The following SEC24A variants were observed in gnomAD, a reference collection of about 807,000 sequenced individuals.
SEC24A encodes SEC24 homolog A, COPII component.
Under a neutral mutation model 129.4 loss-of-function variants are expected in SEC24A, and 93 were observed. The ratio of observed to expected loss-of-function variants is 0.72; its 90% CI spans 0.61 to 0.85. The LOEUF is 0.85. Ranked by LOEUF, SEC24A falls within the 40% of genes least tolerant of loss-of-function variation. SEC24A has a pLI of 0.00. For missense variants in SEC24A, 1,264 were observed against 1,307.4 expected (o/e 0.97, Z 0.51); for synonymous variants, 460 against 467.3 (o/e 0.98, Z 0.20).
chr5:134,675,083 T>A lies in SEC24A; in HGVS notation c.1017T>A (p.Ser339Arg), dbSNP rs989330155. 19 of 1,610,896 alleles carry A rather than the reference T, an allele frequency of 1.2e-5. No homozygotes were observed. Among genetic ancestry groups the A allele is most frequent in the Non-Finnish European group, 1.5e-5 (18 of 1,177,980 alleles). The change falls in exon 6 of 23, where the codon AGT becomes AGA. Residue 339 changes from serine to arginine, a missense_variant. By Grantham distance (110) the Ser-to-Arg change is moderately radical. Coordinates refer to ENST00000398844, the MANE Select transcript of SEC24A (RefSeq NM_021982.3). The part of the protein sequence containing the change: ...LGANHLTTSM[S>R]GLSLQPEGLR... The stretch of plus-strand genomic sequence containing the variant: ...CTAATCATTTAACCACAAGCATGAG[T>A]GGATTAAGTCTACAACCAGAGGGTC...
intron 11 of SEC24A, among the ~76,000 whole-genome samples, chr5:134,690,708 C>T (rs1224546364): frequency 6.6e-6 from 1 of 152,216 alleles, no homozygotes; most frequent in Non-Finnish European, 1.5e-5. Context: ...AGTTTGCTCC[C>T]TTTCTAAGGA....
chr5:134,705,331 A>G lies in SEC24A; in HGVS notation c.2445A>G (p.Glu815=). The G allele has an allele frequency of 6.2e-7, 1 of 1,612,104 alleles. No homozygotes were observed. Among genetic ancestry groups the G allele is most frequent in the Non-Finnish European group, 8.5e-7 (1 of 1,178,540 alleles). ...GTTTGTGTATTTTCCCCAAAGGCGA[A>G]AGAAGAATTCGTGTTCATACTTTGT... The part of the protein sequence containing the change: ...SALLYTSSKG[E]RRIRVHTLCL... The change falls in exon 17 of 23, where the codon GAA becomes GAG. Residue 815 remains glutamate, a synonymous_variant. Transcript: ENST00000398844.
At chr5:134,682,012 C>T (rs934238997) in intron 8 of SEC24A, among the ~76,000 whole-genome samples, 20 of 152,160 alleles carry the variant, frequency 1.3e-4, no homozygotes, top group Admixed American at 3.3e-4. Flanking sequence ...GAGGCCAAGG[C>T]GGGCGGATCA....
At chr5:134,678,682 A>G (rs1291269543) in intron 7 of SEC24A, among the ~76,000 whole-genome samples, 1 of 151,832 alleles carries the variant, frequency 6.6e-6, no homozygotes. Context: ...CCAGGGTTGA[A>G]GCAATTCTCC....
intron 21 of SEC24A, among the ~76,000 whole-genome samples, chr5:134,722,827 G>A (rs1054752821): frequency 6.6e-6 from 1 of 152,050 alleles, no homozygotes. Flanking sequence ...ATTATCTGTA[G>A]TTCAAGAAGA....
intron 13 of SEC24A, among the ~76,000 whole-genome samples, chr5:134,696,213 T>G (rs1472318496): frequency 6.6e-6 from 1 of 151,644 alleles, no homozygotes; most frequent in Non-Finnish European, 1.5e-5. Context: ...GAGGTTGCGG[T>G]GAGCTGAGAT....
intron 15 of SEC24A, among the ~76,000 whole-genome samples, chr5:134,700,364 C>T (rs751094207): frequency 9.9e-5 from 15 of 151,798 alleles, no homozygotes; most frequent in African/African-American, 3.1e-4. Flanking sequence ...GGACCACAGG[C>T]GCATGCCACC....
chr5:134,650,274 C>T (rs1750001504), intron 1 of SEC24A, among the ~76,000 whole-genome samples: 1 of 152,124 alleles, frequency 6.6e-6, no homozygotes, highest in Non-Finnish European at 1.5e-5. Flanking sequence ...ATGTACACTA[C>T]ATTTTATTCT....
intron 15 of SEC24A, among the ~76,000 whole-genome samples, chr5:134,702,302 A>C (rs1454928191): frequency 1.3e-5 from 2 of 152,238 alleles, no homozygotes; most frequent in African/African-American, 4.8e-5. Context: ...GGCACATGCC[A>C]CCATGCCCAG....
chr5:134,718,444 T>G (rs1463630501), intron 20 of SEC24A, among the ~76,000 whole-genome samples: 8 of 152,144 alleles, frequency 5.3e-5, no homozygotes, highest in Non-Finnish European at 1.2e-4. Flanking sequence ...CTACTTAATT[T>G]TTTAAAAAGT....
chr5:134,705,092 T>TATATATATATATA (rs1561828092), intron 16 of SEC24A, among the ~76,000 whole-genome samples: 11 of 106,188 alleles, frequency 1.0e-4, no homozygotes, highest in African/African-American at 3.9e-4. Flanking sequence ...ATATATATAT[T>TATATATATATATA]TTTTTTTTTT....
At chr5:134,717,493 G>A (rs1032347822) in intron 19 of SEC24A, among the ~76,000 whole-genome samples, 20 of 152,132 alleles carry the variant, frequency 1.3e-4, no homozygotes, top group South Asian at 1.2e-3. Flanking sequence ...GGCAACAAGA[G>A]TGAAACTCTG....
chr5:134,671,485 A>G (rs1750860629), intron 3 of SEC24A, among the ~76,000 whole-genome samples: 1 of 152,182 alleles, frequency 6.6e-6, no homozygotes, highest in Admixed American at 6.6e-5. Context: ...TATAAACTTC[A>G]TAAAGAACCA....
chr5:134,688,300 G>A lies in SEC24A; in HGVS notation c.1723+1G>A. On this transcript the variant is annotated splice_donor_variant, in intron 11 of 22. Coordinates refer to ENST00000398844, the MANE Select transcript of SEC24A (RefSeq NM_021982.3). LOFTEE classifies it high-confidence loss of function. ...ATGCTAATAGTTTCAGATATTGAAG[G>A]TATAGATTTATTGAACTACTTTCAT... The A allele has an allele frequency of 1.3e-6, 2 of 1,502,130 alleles. No individual in the cohort carries two copies. The highest frequency in any genetic ancestry group is 1.8e-6 in the Non-Finnish European group (2 of 1,082,536). The allele number at this position is 1,502,130 out of a possible 1,614,324, so 93.1% of individuals were successfully genotyped here.
intron 2 of SEC24A, among the ~76,000 whole-genome samples, chr5:134,662,019 T>C (rs1054768752): frequency 1.8e-4 from 28 of 151,840 alleles, no homozygotes; most frequent in Non-Finnish European, 1.0e-4. Flanking sequence ...TTAGTAGAGA[T>C]GGGGTTTCAC....
chr5:134,655,406 T>A (rs1253019722), intron 1 of SEC24A, among the ~76,000 whole-genome samples: 1 of 152,044 alleles, frequency 6.6e-6, no homozygotes, highest in East Asian at 1.9e-4. Context: ...ATCCCAGCAC[T>A]TTGGGAGGTC....
chr5:134,667,804 C>A (rs1284238161), intron 3 of SEC24A, among the ~76,000 whole-genome samples: 1 of 152,092 alleles, frequency 6.6e-6, no homozygotes, highest in Non-Finnish European at 1.5e-5. Context: ...TTTCCCCTCC[C>A]TGGAATCAAT....
At chr5:134,684,426 T>C (rs1355824737) in intron 9 of SEC24A, among the ~76,000 whole-genome samples, 1 of 151,754 alleles carries the variant, frequency 6.6e-6, no homozygotes, top group African/African-American at 2.4e-5. Context: ...AGAAAACATT[T>C]TGTTGGCCAG....
chr5:134,715,174 GC>G lies in SEC24A; in HGVS notation c.2865+14del. 2 of 1,604,084 alleles carry G rather than the reference GC, an allele frequency of 1.2e-6. No individual in the cohort carries two copies. The highest frequency in any genetic ancestry group is 8.5e-7 in the Non-Finnish European group (1 of 1,176,454). On this transcript the variant is annotated intron_variant, in intron 19 of 22. Transcript: ENST00000398844. ...TCTCTCAGATGAGGTAAGATGGATT[GC>G]TTTTTTGTGGTTTTACTTGAAGATT...
Sources: allele counts gnomAD v4.1 joint callset (sites outside exome capture counted in the v4.1 genomes callset), GRCh38; gene constraint gnomAD v4.1.1; transcripts MANE v1.5; gene names NCBI Gene and HGNC (gene_info 2026-07-23, HGNC 2026-07-21).